UNC93B1: variants seen among roughly 807,000 people sequenced by gnomAD.
UNC93B1 encodes the protein unc-93B1 regulator of TLR signaling.
UNC93B1 carries 33 observed loss-of-function variants against 56.8 expected under a neutral mutation model. The observed-to-expected ratio is 0.58, with a 90% CI of 0.44 to 0.78. The LOEUF (loss-of-function observed/expected upper bound fraction) is 0.78. UNC93B1 is among the 30% of genes least tolerant of loss of function. UNC93B1 has a pLI of 0.00. For synonymous variants in UNC93B1, 334 were observed against 358.6 expected, an observed-to-expected ratio of 0.93 and a Z score of 0.77; for missense variants, 673 against 819.5, an observed-to-expected ratio of 0.82 and a Z score of 2.18.
chr11:67,995,671 G>A lies in UNC93B1; in HGVS notation c.1303C>T (p.Leu435Phe). The change falls in exon 9 of 11, where the codon CTC (leucine) becomes TTC (phenylalanine). Residue 435 changes from leucine (L) to phenylalanine (F), a missense_variant. Leu to Phe is a conservative substitution (Grantham distance 22). Transcript: ENST00000227471. ...VPRVLQHSWI[L>F]YVAAALWGVG... is the part of the protein sequence containing the mutation. ...CCCCAAAGGGCAGCTGCCACATAGA[G>A]GATCCAGCTGTGTTGCAGGACCCGA... 3 of 1,511,436 alleles carry A rather than the reference G, an allele frequency of 2.0e-6. No homozygotes were observed. The highest frequency in any genetic ancestry group is 2.7e-6 in the Non-Finnish European group (3 of 1,125,020). The allele number at this position is 1,511,436 out of a possible 1,614,324, so 93.6% of individuals were successfully genotyped here.
intron 9 of UNC93B1, 39 bp downstream of exon 9, chr11:67,995,572 C>CGGGGGG: frequency 1.1e-5 from 1 of 90,122 alleles, no homozygotes. Context: ...AAGCCCCCTG[C>CGGGGGG]CCCGCCCCCC....
chr11:67,997,579 A>C (rs1268443756), intron 7 of UNC93B1, 96 bp downstream of exon 7: 2 of 1,570,386 alleles, frequency 1.3e-6, no homozygotes, highest in Admixed American at 3.4e-5. Context: ...AACCCGACCC[A>C]GGCCATGCCA....
rs200624222 is a variant in UNC93B1, at chr11:67,993,556, G to C, written c.1482+120C>G. 9.6e-4 allele frequency: 665 copies of C among 690,868 alleles called. 3 individuals are homozygous for C. The highest frequency in any genetic ancestry group is 1.9e-3 in the Admixed American group (95 of 48,758). 42.8% of individuals were successfully genotyped at this position (690,868 alleles called of 1,614,324 possible). ...GGCCACCCAGTGGGCTGCAGGAATG[G>C]GGCCTTGGCCCAGAGACTGGCTTGG... On this transcript the variant is annotated intron_variant, in intron 10 of 10. Coordinates refer to ENST00000227471, the MANE Select transcript of UNC93B1 (RefSeq NM_030930.4).
chr11:68,002,901 C>G lies in UNC93B1; in HGVS notation c.392+121G>C. 2.3e-6 allele frequency: 3 copies of G among 1,323,470 alleles called. No homozygotes were observed. The South Asian group carries it at 4.7e-5, about 21-fold the overall frequency. 82.0% of individuals were successfully genotyped at this position (1,323,470 alleles called of 1,614,324 possible). ...TCTCAGGCTTCCGGGTAGAAAAAAACCTCTCCCTTGTTCCCTCGCCCCACA... is the reference window on the plus strand; with the variant it reads ...TCTCAGGCTTCCGGGTAGAAAAAAAGCTCTCCCTTGTTCCCTCGCCCCACA... On this transcript the variant is annotated intron_variant, in intron 3 of 10. Transcript: ENST00000227471.
intron 8 of UNC93B1, 101 bp from the exon 9 acceptor site, chr11:67,995,985 G>A: frequency 9.2e-7 from 1 of 1,083,868 alleles, no homozygotes. Flanking sequence ...CTGCGATGGG[G>A]GTCCTAAGAG....
chr11:67,994,401 T>C (rs1342936411), intron 9 of UNC93B1, among the ~76,000 whole-genome samples: 1 of 152,186 alleles, frequency 6.6e-6, no homozygotes, highest in African/African-American at 2.4e-5. Flanking sequence ...TTGTGTGCTG[T>C]GTTCTGAAGT....
chr11:67,999,017 G>A (rs1856998162), intron 5 of UNC93B1, among the ~76,000 whole-genome samples, 156 bp downstream of exon 5: 1 of 151,926 alleles, frequency 6.6e-6, no homozygotes, highest in African/African-American at 2.4e-5. Context: ...CTGGAGCCCA[G>A]GAGTTCAAAG....
At chr11:67,996,293 C>G (rs112473342) in intron 8 of UNC93B1, among the ~76,000 whole-genome samples, 4 of 152,038 alleles carry the variant, frequency 2.6e-5, no homozygotes, top group Admixed American at 6.5e-5. Context: ...CGCTCCAAGG[C>G]TCAGGGGAAG....
intron 10 of UNC93B1, among the ~76,000 whole-genome samples, chr11:67,993,303 T>A (rs1856880368): frequency 6.6e-6 from 1 of 152,264 alleles, no homozygotes; most frequent in Admixed American, 6.5e-5. Flanking sequence ...GTTCTATTTT[T>A]AAAAAATGTT....
intron 10 of UNC93B1, among the ~76,000 whole-genome samples, chr11:67,992,340 C>T (rs891470081): frequency 1.3e-5 from 2 of 152,144 alleles, no homozygotes; most frequent in Non-Finnish European, 2.9e-5. Flanking sequence ...TTTCCAGACA[C>T]GGTCGCTCCG....
At position 67,999,196 on chromosome 11, in the gene UNC93B1, C is replaced by T. The variant is rs766177122; in HGVS notation, c.664G>A (p.Ala222Thr). 8.1e-6 allele frequency: 13 copies of T among 1,613,854 alleles called. No homozygotes were observed. In the South Asian group the frequency reaches 1.4e-4, roughly 18 times the overall value. The change falls in exon 5 of 11, where the codon GCC (alanine) becomes ACC (threonine). Residue 222 changes from alanine to threonine, a missense_variant. Transcript: ENST00000227471. ...ACATGGAAGAAGCTGTAGAAGATGG[C>T]TTGGAAGACCAGGAGATAGGGCGCG... ...SHAPYLLVFQ[A>T]IFYSFFHLSF...
chr11:68,001,997 AAC>A (rs1241200649), intron 3 of UNC93B1, among the ~76,000 whole-genome samples: 3 of 151,780 alleles, frequency 2.0e-5, no homozygotes, highest in Non-Finnish European at 4.4e-5. Flanking sequence ...TACAAAAATT[AAC>A]CGGGTGGCAG....
intron 3 of UNC93B1, among the ~76,000 whole-genome samples, chr11:67,999,947 G>A (rs1470144823): frequency 6.6e-6 from 1 of 152,232 alleles, no homozygotes. Flanking sequence ...AGTGACCCAT[G>A]GGTGTAACCA....
chr11:67,991,309 C>T lies in UNC93B1; in HGVS notation c.*237G>A. ...GTGCTAAGGGCCCGCGGGGTTTCAGCTGTATTTTCGAACCCCTGTGCTTGG... is the reference window on the plus strand; with the variant it reads ...GTGCTAAGGGCCCGCGGGGTTTCAGTTGTATTTTCGAACCCCTGTGCTTGG... On this transcript the variant is annotated 3_prime_UTR_variant, in exon 11 of 11. Coordinates refer to ENST00000227471, the MANE Select transcript of UNC93B1 (RefSeq NM_030930.4). 1 of 420,396 alleles carries T rather than the reference C, an allele frequency of 2.4e-6. No individual in the cohort carries two copies. 26.0% of individuals were successfully genotyped at this position (420,396 alleles called of 1,614,324 possible).
Position 68,003,373 on chromosome 11 carries a change from A to G in UNC93B1, c.239-198T>C. The G allele has an allele frequency of 1.2e-6, 1 of 845,760 alleles. No homozygotes were observed. The highest frequency in any genetic ancestry group is 2.0e-5 in the South Asian group (1 of 51,070). 52.4% of individuals were successfully genotyped at this position (845,760 alleles called of 1,614,324 possible). ...CGGCCACTTGGCCAGCTAAGCCCAG[A>G]CCCCCACCCGCCTTGCTCCGCCGGC... On this transcript the variant is annotated intron_variant, in intron 2 of 10. Transcript: ENST00000227471. The surrounding 1 kb of genome is among the most constrained non-coding windows in gnomAD (Gnocchi z 4.4).
chr11:67,991,456 C>T lies in UNC93B1; in HGVS notation c.*90G>A, dbSNP rs1260172807. 2 of 1,258,056 alleles carry T rather than the reference C, an allele frequency of 1.6e-6. No homozygotes were observed. Among genetic ancestry groups the T allele is most frequent in the Non-Finnish European group, 1.0e-6 (1 of 971,866 alleles). The allele number at this position is 1,258,056 out of a possible 1,614,324, so 77.9% of individuals were successfully genotyped here. A position where few individuals can be genotyped will look rare whatever the true frequency, so the allele number is the denominator to read the frequency against. On this transcript the variant is annotated 3_prime_UTR_variant, in exon 11 of 11. Transcript: ENST00000227471. The stretch of plus-strand genomic sequence containing the variant: ...GGGAGACAGGGGCCTTTGAAGACAG[C>T]GCGGGACTCGGAGGGGGTCCCCCCG...
At chr11:67,993,263 A>T (rs1396979873) in intron 10 of UNC93B1, among the ~76,000 whole-genome samples, 2 of 152,250 alleles carry the variant, frequency 1.3e-5, no homozygotes. Flanking sequence ...TGCTGGGATT[A>T]CAGGCGTGAG....
rs1857081619 is a variant in UNC93B1, at chr11:68,003,581, G to A, written c.238+76C>T. 1.4e-6 allele frequency: 2 copies of A among 1,469,236 alleles called. No homozygotes were observed. The highest frequency in any genetic ancestry group is 1.8e-6 in the Non-Finnish European group (2 of 1,113,284). The allele number at this position is 1,469,236 out of a possible 1,614,324, so 91.0% of individuals were successfully genotyped here. A position where few individuals can be genotyped will look rare whatever the true frequency, so the allele number is the denominator to read the frequency against. The stretch of plus-strand genomic sequence containing the variant: ...GGGGAAGTGAGAGCGGGCGGGAGGC[G>A]GCGGCCCGCGGTTTCTGTTTCCCGG... On this transcript the variant is annotated intron_variant, in intron 2 of 10. Coordinates refer to ENST00000227471, the MANE Select transcript of UNC93B1 (RefSeq NM_030930.4). The surrounding 1 kb of genome is among the most constrained non-coding windows in gnomAD (Gnocchi z 4.4).
chr11:67,996,733 G>C lies in UNC93B1; in HGVS notation c.958C>G (p.Arg320Gly). 2 of 1,558,312 alleles carry C rather than the reference G, an allele frequency of 1.3e-6. No homozygotes were observed. Among genetic ancestry groups the C allele is most frequent in the Non-Finnish European group, 8.7e-7 (1 of 1,150,890 alleles). ...AYRPTEEIDL[R>G]SVGWGNIFQL... is the part of the protein sequence containing the mutation. Reference sequence around the variant, plus strand: ...AAGATGTTGCCCCAGCCCACGCTGCGCAGATCGATCTCCTCCGTGGGCCGG... The same window carrying C: ...AAGATGTTGCCCCAGCCCACGCTGCCCAGATCGATCTCCTCCGTGGGCCGG... Residue 320 changes from arginine (R) to glycine (G), a missense_variant, in exon 8 of 11, where the codon CGC becomes GGC. Arg to Gly is a moderately radical substitution (Grantham distance 125). This residue lies in a region of UNC93B1 where 438 missense variants were observed against 465.9 expected (regional missense o/e 0.94). Transcript: ENST00000227471.
Sources: gnomAD v4.1 joint callset for allele counts (sites outside exome capture counted in the v4.1 genomes callset) on GRCh38, gnomAD v4.1.1 for gene constraint, gnomAD v4.1.1 regional missense constraint, Gnocchi (gnomAD v3.1) non-coding constraint, MANE v1.5 for transcripts, NCBI Gene and HGNC (gene_info 2026-07-23, HGNC 2026-07-21) for gene names.